The following STK31 variants were observed in gnomAD, a reference collection of about 807,000 sequenced individuals.
STK31 encodes serine/threonine-protein kinase 31.
A neutral mutation model predicts 129.7 loss-of-function variants in STK31; 89 were observed. The ratio of observed to expected loss-of-function variants is 0.69; its 90% confidence interval spans 0.58 to 0.82. STK31 has a LOEUF of 0.82. STK31 is among the 40% of genes least tolerant of loss of function. The pLI is 0.00. For synonymous variants in STK31, 448 were observed against 395.3 expected (o/e 1.13, Z -1.58); for missense variants, 1,187 against 1,176.4 (o/e 1.01, Z -0.13).
intron 22 of STK31, among the ~76,000 whole-genome samples, chr7:23,801,822 T>A (rs1006217036): frequency 6.6e-6 from 1 of 152,152 alleles, no homozygotes; most frequent in Admixed American, 6.5e-5. Flanking sequence ...ATTGTCTTTG[T>A]ATCTTTGTCA....
chr7:23,729,606 G>A (rs1787282067), intron 6 of STK31, among the ~76,000 whole-genome samples: 1 of 151,468 alleles, frequency 6.6e-6, no homozygotes, highest in Non-Finnish European at 1.5e-5. Context: ...TGCCTCCCAG[G>A]TTCAAGCAAT....
At position 23,786,972 on chromosome 7, in the gene STK31, A is replaced by G. The variant is rs539327824; in HGVS notation, c.2487+48A>G. Reference sequence around the variant, plus strand: ...TTCCATGGATGTATTAAATGAGAAAATAACACCTGATATTTATTCAGGCAT... The same window carrying G: ...TTCCATGGATGTATTAAATGAGAAAGTAACACCTGATATTTATTCAGGCAT... On this transcript the variant is annotated intron_variant, in intron 20 of 23. Coordinates refer to ENST00000355870, the MANE Select transcript of STK31 (RefSeq NM_031414.5). 4.5e-6 allele frequency: 7 copies of G among 1,543,260 alleles called. No homozygotes were observed. In the East Asian group the frequency reaches 1.6e-4, roughly 35 times the overall value.
chr7:23,787,863 T>A, intron 20 of STK31, 117 bp from the exon 21 acceptor site: 1 of 950,290 alleles, frequency 1.1e-6, no homozygotes, highest in Non-Finnish European at 1.5e-6. Context: ...TTCTTATTAA[T>A]GGTTCATTTC....
intron 22 of STK31, among the ~76,000 whole-genome samples, chr7:23,795,400 G>T (rs2128117028): frequency 6.6e-6 from 1 of 152,324 alleles, no homozygotes; most frequent in East Asian, 1.9e-4. Context: ...GAGGATGTAT[G>T]GAAATGCCTG....
chr7:23,783,601 G>A lies in STK31; in HGVS notation c.2086G>A (p.Ala696Thr), dbSNP rs772119305. The A allele has an allele frequency of 3.1e-6, 5 of 1,610,140 alleles. No homozygotes were observed. In the African/African-American group the frequency reaches 6.7e-5, roughly 22 times the overall value. ...ACTTTAGGAGATGCTAACTAGTTTG[G>A]CACAGAAATGGTTCCCTGAGCTGCC... ...REEYEMLTSL[A>T]QKWFPELPLL... is the part of the protein sequence containing the mutation. Residue 696 changes from alanine to threonine, a missense_variant, in exon 17 of 24, where the codon GCA becomes ACA. Around this residue, in one of 5 missense-constraint regions of STK31, gnomAD observed 975 missense variants for 934.9 expected, o/e 1.04. Coordinates refer to ENST00000355870, the MANE Select transcript of STK31 (RefSeq NM_031414.5).
At chr7:23,738,966 A>G (rs570468049) in intron 8 of STK31, among the ~76,000 whole-genome samples, 3 of 152,220 alleles carry the variant, frequency 2.0e-5, no homozygotes, top group Non-Finnish European at 4.4e-5. Flanking sequence ...TAGTAGAATG[A>G]TTTATAATCC....
intron 6 of STK31, among the ~76,000 whole-genome samples, chr7:23,730,878 A>ATATATATATATATATATATATTTTT: frequency 8.2e-4 from 49 of 59,512 alleles, no homozygotes; most frequent in African/African-American, 1.5e-3. Flanking sequence ...ATATATATAT[A>ATATATATATATATATATATATTTTT]TTTTTTTTTT....
At chr7:23,804,223 T>C (rs1792553457) in intron 22 of STK31, among the ~76,000 whole-genome samples, 1 of 152,162 alleles carries the variant, frequency 6.6e-6, no homozygotes, top group African/African-American at 2.4e-5. Flanking sequence ...TGTCCCCCTT[T>C]TATTTATTCA....
intron 3 of STK31, among the ~76,000 whole-genome samples, chr7:23,715,480 A>T (rs1786254415): frequency 6.6e-6 from 1 of 150,870 alleles, no homozygotes; most frequent in South Asian, 2.1e-4. Context: ...TTAGCCAGGC[A>T]TGGTGGTGCA....
intron 11 of STK31, among the ~76,000 whole-genome samples, chr7:23,767,134 T>G (rs1789879120): frequency 6.6e-6 from 1 of 152,208 alleles, no homozygotes; most frequent in African/African-American, 2.4e-5. Context: ...TTGAGAATAT[T>G]TATTATGCTT....
intron 22 of STK31, among the ~76,000 whole-genome samples, chr7:23,810,396 G>T (rs1793012098): frequency 6.7e-6 from 1 of 150,344 alleles, no homozygotes; most frequent in East Asian, 1.9e-4. Context: ...TACATTTAGG[G>T]TAATTATTGA....
At chr7:23,782,486 A>AG (rs200509167) in intron 16 of STK31, among the ~76,000 whole-genome samples, 14,175 of 150,014 alleles carry the variant, frequency 0.094, 798 homozygotes, top group Middle Eastern at 0.15. Context: ...AAAAAAAAAA[A>AG]AAAAAAGAAA....
chr7:23,718,480 T>C (rs1786487496), intron 4 of STK31, among the ~76,000 whole-genome samples: 1 of 152,098 alleles, frequency 6.6e-6, no homozygotes, highest in Non-Finnish European at 1.5e-5. Flanking sequence ...GAAAATTCCT[T>C]CGGGCCCCTT....
At chr7:23,761,647 A>G (rs1228045427) in intron 10 of STK31, among the ~76,000 whole-genome samples, 1 of 150,552 alleles carries the variant, frequency 6.6e-6, no homozygotes, top group Non-Finnish European at 1.5e-5. Context: ...TGACCTCATG[A>G]TCCGCCTGCC....
intron 8 of STK31, among the ~76,000 whole-genome samples, chr7:23,750,066 T>TCCCCCCCCCCCCCC (rs1788609697): frequency 1.3e-5 from 1 of 77,600 alleles, no homozygotes; most frequent in East Asian, 3.4e-4. Context: ...AATGGTTTGT[T>TCCCCCCCCCCCCCC]TCCCCCCCCG....
Position 23,805,792 on chromosome 7 carries a change from G to A in STK31, c.2761-9352G>A, listed in dbSNP as rs534108516. On this transcript the variant is annotated intron_variant, in intron 22 of 23. Transcript: ENST00000355870. ...GAGCCACTGTGCCCAGCCCATATTT[G>A]TTAATTTAAGGACATTATTATGTCT... Among the ~76,000 whole-genome samples the A allele has an allele frequency of 1.2e-4, 18 of 152,258 alleles. No homozygotes were observed. The South Asian group carries it at 2.7e-3, about 23-fold the overall frequency.
intron 22 of STK31, among the ~76,000 whole-genome samples, chr7:23,804,633 T>C (rs998556149): frequency 1.3e-5 from 2 of 152,218 alleles, no homozygotes; most frequent in Non-Finnish European, 2.9e-5. Flanking sequence ...GAGATGTTAG[T>C]GGTCATACTG....
chr7:23,761,521 T>C (rs1374791864), intron 10 of STK31, among the ~76,000 whole-genome samples: 2 of 151,588 alleles, frequency 1.3e-5, no homozygotes, highest in Non-Finnish European at 2.9e-5. Context: ...TCCGGGTTCG[T>C]GCCATTCTGC....
chr7:23,769,497 AG>A (rs1417193873), intron 12 of STK31, 142 bp from the exon 13 acceptor site: 5 of 568,170 alleles, frequency 8.8e-6, no homozygotes, highest in Admixed American at 3.2e-5. Context: ...AAATTTTATG[AG>A]GGTAGGCACT....
Sources: gnomAD v4.1 joint callset for allele counts (sites outside exome capture counted in the v4.1 genomes callset) on GRCh38, gnomAD v4.1.1 for gene constraint, gnomAD v4.1.1 regional missense constraint, MANE v1.5 for transcripts, NCBI Gene and HGNC (gene_info 2026-07-23, HGNC 2026-07-21) for gene names.